FAM20C: variants seen among roughly 807,000 people sequenced by gnomAD.
FAM20C encodes the protein FAM20C golgi associated secretory pathway kinase.
FAM20C carries 40 observed loss-of-function variants against 51.5 expected under a neutral mutation model. The ratio of observed to expected loss-of-function variants is 0.78; its 90% CI spans 0.60 to 1.01. The LOEUF is 1.01. FAM20C is among the 50% of genes least tolerant of loss of function. The probability of loss-of-function intolerance (pLI) is 0.00; values close to 1 mark genes in which losing one functional copy is unlikely to be tolerated. For synonymous variants in FAM20C, 406 were observed against 380.6 expected (o/e 1.07, Z -0.78); for missense variants, 861 against 844.7 (o/e 1.02, Z -0.24).
intron 2 of FAM20C, among the ~76,000 whole-genome samples, chr7:200,254 G>A (rs1031002274): frequency 7.3e-6 from 1 of 137,166 alleles, no homozygotes; most frequent in African/African-American, 2.7e-5. Flanking sequence ...TGCCCCTGCA[G>A]GTCACGGTCC....
At chr7:206,252 C>G (rs1448719962) in intron 2 of FAM20C, among the ~76,000 whole-genome samples, 2 of 152,196 alleles carry the variant, frequency 1.3e-5, no homozygotes, top group Non-Finnish European at 2.9e-5. Context: ...TCCAAACCAC[C>G]ACCGTCTCCT....
chr7:228,402 C>T (rs772845096), intron 3 of FAM20C: 13 of 451,174 alleles, frequency 2.9e-5, no homozygotes, highest in Non-Finnish European at 5.8e-5. Context: ...GGACTCAGGC[C>T]CCTCTGCTGG....
At chr7:204,584 A>T (rs1358375344) in intron 2 of FAM20C, among the ~76,000 whole-genome samples, 1 of 152,184 alleles carries the variant, frequency 6.6e-6, no homozygotes, top group African/African-American at 2.4e-5. Context: ...GTGGCGCTTG[A>T]GTGGCCATCG....
chr7:226,544 T>C (rs1286463447), intron 3 of FAM20C, among the ~76,000 whole-genome samples: 2 of 152,150 alleles, frequency 1.3e-5, no homozygotes, highest in African/African-American at 2.4e-5. Context: ...TGGCCCCGTG[T>C]GCCCCCCGGT....
At chr7:252,816 G>A (rs981489434) in intron 5 of FAM20C, among the ~76,000 whole-genome samples, 1 of 152,214 alleles carries the variant, frequency 6.6e-6, no homozygotes, top group African/African-American at 2.4e-5. Context: ...GGGCCGGGCC[G>A]CAGTCAGAGC....
At chr7:217,452 G>C (rs1002213634) in intron 3 of FAM20C, among the ~76,000 whole-genome samples, 1 of 4,138 alleles carries the variant, frequency 2.4e-4, no homozygotes, top group East Asian at 0.017. Flanking sequence ...GCATCAAGGG[G>C]GTAACATGCA....
intron 5 of FAM20C, among the ~76,000 whole-genome samples, chr7:252,629 T>C (rs957314577): frequency 5.3e-5 from 8 of 152,260 alleles, no homozygotes; most frequent in African/African-American, 1.9e-4. Context: ...GAAAATCCCA[T>C]CAGCCAGGAA....
chr7:207,860 C>T (rs1289672150), intron 2 of FAM20C, among the ~76,000 whole-genome samples: 6 of 152,368 alleles, frequency 3.9e-5, no homozygotes, highest in Admixed American at 2.0e-4. Flanking sequence ...GGGAACCCCC[C>T]GGAGCCCCCT....
chr7:232,550 G>A (rs1283221620), intron 3 of FAM20C, among the ~76,000 whole-genome samples: 1 of 152,246 alleles, frequency 6.6e-6, no homozygotes, highest in East Asian at 1.9e-4. Flanking sequence ...CCACATCCCT[G>A]TTGGCTTCTA....
chr7:257,422 C>A (rs1049369044), intron 8 of FAM20C: 1 of 252,930 alleles, frequency 4.0e-6, no homozygotes, highest in African/African-American at 2.2e-5. Context: ...CACGCGGTAC[C>A]TGGAGCCAGC....
intron 4 of FAM20C, among the ~76,000 whole-genome samples, 191 bp downstream of exon 4, chr7:246,698 T>A (rs1272761291): frequency 9.7e-6 from 1 of 103,574 alleles, no homozygotes; most frequent in Admixed American, 9.5e-5. Flanking sequence ...GTCACCTTTG[T>A]CACCATCAGG....
intron 3 of FAM20C, chr7:228,828 C>T (rs75579606): frequency 0.041 from 18,634 of 456,114 alleles, 696 homozygotes; most frequent in African/African-American, 0.13. Context: ...GCCTCCTCAA[C>T]GTGTTTGTAG....
At chr7:197,217 G>A (rs968568424) in intron 2 of FAM20C, 11 of 167,130 alleles carry the variant, frequency 6.6e-5, no homozygotes, top group African/African-American at 2.2e-4. Flanking sequence ...GAGATCTGCT[G>A]CCTCTGTGGA....
intron 3 of FAM20C, among the ~76,000 whole-genome samples, chr7:214,592 C>T (rs139548071): frequency 1.8e-3 from 281 of 152,218 alleles, no homozygotes; most frequent in African/African-American, 6.4e-3. Context: ...CTGGCGTAGC[C>T]ACTGTTGCTG....
chr7:233,331 G>T (rs1382293815), intron 3 of FAM20C, among the ~76,000 whole-genome samples: 1 of 152,186 alleles, frequency 6.6e-6, no homozygotes, highest in Non-Finnish European at 1.5e-5. Context: ...TGGATTTGGA[G>T]GAAACAGGTC....
At chr7:255,695 T>G (rs1788562401) in intron 5 of FAM20C, among the ~76,000 whole-genome samples, 154 bp from the exon 6 acceptor site, 1 of 136,440 alleles carries the variant, frequency 7.3e-6, no homozygotes, top group African/African-American at 2.9e-5. Flanking sequence ...TACCGTGGGG[T>G]GGAGGTGTTT....
In FAM20C at chr7:246,417, A is replaced by G. The variant is rs747702836; in HGVS notation, c.866A>G (p.Gln289Arg). The change falls in exon 4 of 10, where the codon CAA becomes CGA. Residue 289 changes from glutamine (Q) to arginine (R), a missense_variant and splice_region_variant. Around this residue, in one of 3 missense-constraint regions of FAM20C, gnomAD observed 561 missense variants for 499.8 expected, o/e 1.12. Coordinates refer to ENST00000313766, the MANE Select transcript of FAM20C (RefSeq NM_020223.4). Reference protein sequence around the residue: ...YGQALFKPMKQTREQETPPDF... With the variant: ...YGQALFKPMKRTREQETPPDF... ...CTGTTTCTGTCTTGTTTTCTCAGAC[A>G]AACGAGGGAGCAGGAGACACCCCCT... 2.1e-4 allele frequency: 293 copies of G among 1,389,198 alleles called. No homozygotes were observed. Among genetic ancestry groups the G allele is most frequent in the Non-Finnish European group, 2.0e-4 (210 of 1,066,702 alleles). 86.1% of individuals were successfully genotyped at this position (1,389,198 alleles called of 1,614,324 possible). A position where few individuals can be genotyped will look rare whatever the true frequency, so the allele number is the denominator to read the frequency against.
Position 193,084 on chromosome 7 carries a change from A to G in FAM20C, c.-116A>G. On this transcript the variant is annotated 5_prime_UTR_variant, in exon 1 of 10. The change abolishes the stop of an existing upstream ORF in the 5' untranslated region. Transcript: ENST00000313766. Reference sequence around the variant, plus strand: ...GCCCGGGGACAGCCCCGGAGCTGGTAGCCGCCCGGCACCGATGGACCTTGA... The same window carrying G: ...GCCCGGGGACAGCCCCGGAGCTGGTGGCCGCCCGGCACCGATGGACCTTGA... 2 of 890,052 alleles carry G rather than the reference A, an allele frequency of 2.2e-6. No homozygotes were observed. Among genetic ancestry groups the G allele is most frequent in the Non-Finnish European group, 1.5e-6 (1 of 684,972 alleles). 55.1% of individuals were successfully genotyped at this position (890,052 alleles called of 1,614,324 possible).
chr7:226,675 C>G (rs1787462296), intron 3 of FAM20C, among the ~76,000 whole-genome samples: 4 of 152,186 alleles, frequency 2.6e-5, no homozygotes, highest in Admixed American at 2.6e-4. Context: ...CGGGCTGGAG[C>G]CTCTGGCCTC....
Sources: allele counts gnomAD v4.1 joint callset (sites outside exome capture counted in the v4.1 genomes callset), GRCh38; gene constraint gnomAD v4.1.1; regional missense constraint gnomAD v4.1.1; transcripts MANE v1.5; gene names NCBI Gene and HGNC (gene_info 2026-07-23, HGNC 2026-07-21).